Variants in GNAQ observed in about 807,000 individuals in gnomAD.
The protein encoded by GNAQ is guanine nucleotide-binding protein G(q) subunit alpha.
Under a neutral mutation model 43.9 loss-of-function variants are expected in GNAQ, and 8 were observed. That is an observed-to-expected ratio of 0.18 (90% CI 0.11 to 0.33). GNAQ has a LOEUF of 0.33. Among genes scored for constraint, GNAQ ranks in the 10% least tolerant of loss-of-function variants. The probability of loss-of-function intolerance (pLI) is 1.00; values close to 1 mark genes in which losing one functional copy is unlikely to be tolerated. For missense variants in GNAQ, 158 were observed against 450.8 expected (o/e 0.35, Z 5.88); for synonymous variants, 155 against 170.7 (o/e 0.91, Z 0.71).
chr9:77,827,369 CA>C (rs1455094203), intron 2 of GNAQ, among the ~76,000 whole-genome samples: 2 of 124,292 alleles, frequency 1.6e-5, no homozygotes, highest in African/African-American at 5.6e-5. Flanking sequence ...AAACCAAATC[CA>C]TGTTTAAATA....
Position 77,788,583 on chromosome 9 carries a change from C to A in GNAQ, c.735+5880G>T, listed in dbSNP as rs147511653. Among the ~76,000 whole-genome samples, 583 of 152,206 alleles carry A rather than the reference C, an allele frequency of 3.8e-3. 7 individuals are homozygous for A. Among genetic ancestry groups the A allele is most frequent in the South Asian group, 0.011 (51 of 4,812 alleles). On this transcript the variant is annotated intron_variant, in intron 5 of 6. Coordinates refer to ENST00000286548, the MANE Select transcript of GNAQ (RefSeq NM_002072.5). The stretch of plus-strand genomic sequence containing the variant: ...GAGAAATGAATCAGGGAGGGCTACA[C>A]ATAGTCTTTAATTTTATCTGTATCA...
chr9:77,968,870 T>G (rs922444216), intron 1 of GNAQ, among the ~76,000 whole-genome samples: 5 of 152,186 alleles, frequency 3.3e-5, no homozygotes, highest in Non-Finnish European at 5.9e-5. Flanking sequence ...GGAAATCACC[T>G]CCTGTGGCAA....
chr9:77,807,036 A>C (rs182899004), intron 3 of GNAQ, among the ~76,000 whole-genome samples: 1 of 152,290 alleles, frequency 6.6e-6, no homozygotes, highest in Admixed American at 6.5e-5. Context: ...TGAGATTAGA[A>C]CTTTCATTTT....
intron 2 of GNAQ, among the ~76,000 whole-genome samples, chr9:77,915,413 C>G (rs1005409777): frequency 6.6e-6 from 1 of 152,028 alleles, no homozygotes; most frequent in South Asian, 2.1e-4. Flanking sequence ...CCTTAAATAC[C>G]TCCTAAATCT....
intron 1 of GNAQ, among the ~76,000 whole-genome samples, chr9:78,007,428 G>C (rs768790924): frequency 4.8e-5 from 7 of 144,642 alleles, no homozygotes; most frequent in African/African-American, 7.6e-5. Context: ...CCACCCACTA[G>C]AAAACAAGGA....
At position 78,031,710 on chromosome 9, in the gene GNAQ, C is replaced by T. The variant is rs1824065236; in HGVS notation, c.-475G>A. ...GACGGCTCCCCGCGCCCGGCGCGCC[C>T]GCTCCTCGCCGCCGCCTGACACGGC... On this transcript the variant is annotated 5_prime_UTR_variant, in exon 1 of 7. Transcript: ENST00000286548. Among the ~76,000 whole-genome samples the T allele has an allele frequency of 6.8e-6, 1 of 147,594 alleles. No individual in the cohort carries two copies. The highest frequency in any genetic ancestry group is 2.4e-5 in the African/African-American group (1 of 40,952).
intron 5 of GNAQ, among the ~76,000 whole-genome samples, chr9:77,741,434 G>C (rs1446648008): frequency 6.6e-6 from 1 of 152,142 alleles, no homozygotes; most frequent in Middle Eastern, 3.2e-3. Context: ...TTATATCTTT[G>C]AGCCTTAATT....
At position 77,861,227 on chromosome 9, in the gene GNAQ, T is replaced by C. The variant is rs112446200; in HGVS notation, c.322-45457A>G. The stretch of plus-strand genomic sequence containing the variant: ...CAGTTCTCATGAGTCTTATTCACTA[T>C]CACAAGAATAGCCCAGGAAAGACCT... On this transcript the variant is annotated intron_variant, in intron 2 of 6. Coordinates refer to ENST00000286548, the MANE Select transcript of GNAQ (RefSeq NM_002072.5). 6.6e-3 allele frequency among the ~76,000 whole-genome samples: 999 copies of C among 152,274 alleles called. 5 individuals are homozygous for C. Among genetic ancestry groups the C allele is most frequent in the African/African-American group, 0.023 (945 of 41,558 alleles).
chr9:78,003,607 G>A (rs531408164), intron 1 of GNAQ, among the ~76,000 whole-genome samples: 1 of 152,226 alleles, frequency 6.6e-6, no homozygotes, highest in Admixed American at 6.5e-5. Flanking sequence ...TTGAGACCTG[G>A]AGTTCAAGAC....
intron 1 of GNAQ, among the ~76,000 whole-genome samples, chr9:78,010,580 G>A (rs1375154379): frequency 6.6e-6 from 1 of 152,036 alleles, no homozygotes. Context: ...CTTCACATGT[G>A]TTAATTACAG....
chr9:78,014,433 A>AC (rs1043342695), intron 1 of GNAQ, among the ~76,000 whole-genome samples: 1 of 151,876 alleles, frequency 6.6e-6, no homozygotes, highest in East Asian at 1.9e-4. Flanking sequence ...ACATGGTGAA[A>AC]CCCCCCTACT....
At chr9:77,762,043 C>T (rs1350707598) in intron 5 of GNAQ, among the ~76,000 whole-genome samples, 2 of 133,846 alleles carry the variant, frequency 1.5e-5, no homozygotes, top group African/African-American at 5.6e-5. Context: ...AGCCCCTCTG[C>T]CCGGCCAGCC....
rs534812312 is a variant in GNAQ at position 77,778,608 on chromosome 9, G to A, written c.735+15855C>T. On this transcript the variant is annotated intron_variant, in intron 5 of 6. Coordinates refer to ENST00000286548, the MANE Select transcript of GNAQ (RefSeq NM_002072.5). ...ATCACTAAACACTTTAAATGTGAACGGTCTACATACACCAATTAAAAGACA... is the reference window on the plus strand; with the variant it reads ...ATCACTAAACACTTTAAATGTGAACAGTCTACATACACCAATTAAAAGACA... Among the ~76,000 whole-genome samples, 16 of 151,552 alleles carry A rather than the reference G, an allele frequency of 1.1e-4. No homozygotes were observed. The East Asian group carries it at 1.2e-3, about 11-fold the overall frequency.
intron 2 of GNAQ, among the ~76,000 whole-genome samples, chr9:77,827,588 A>G (rs1827219196): frequency 6.6e-6 from 1 of 152,012 alleles, no homozygotes; most frequent in Admixed American, 6.6e-5. Flanking sequence ...ACTCGGAGGA[A>G]CCTATACAGA....
chr9:77,874,725 AG>A (rs1828102475), intron 2 of GNAQ, among the ~76,000 whole-genome samples: 1 of 151,992 alleles, frequency 6.6e-6, no homozygotes, highest in South Asian at 2.1e-4. Flanking sequence ...CCCGGGCTTA[AG>A]TGATCCTCCC....
At chr9:77,805,640 G>A (rs577727494) in intron 3 of GNAQ, among the ~76,000 whole-genome samples, 2 of 152,016 alleles carry the variant, frequency 1.3e-5, no homozygotes, top group East Asian at 3.9e-4. Context: ...TCCTGACCTC[G>A]TCATCTGCCA....
rs797016574 is a variant in GNAQ, at chr9:77,886,406, T to C, written c.321+35755A>G. Among the ~76,000 whole-genome samples, 73 of 142,040 alleles carry C rather than the reference T, an allele frequency of 5.1e-4. 1 individual carries two copies. The highest frequency in any genetic ancestry group is 2.9e-3 in the Admixed American group (41 of 14,108). 93.2% of individuals were successfully genotyped at this position (142,040 alleles called of 152,430 possible). ...GCTCTTAAAAAAAAAAAAAAAAGCA[T>C]CTTAGTGGTTAATCTCTAGTGTTCC... On this transcript the variant is annotated intron_variant, in intron 2 of 6. Transcript: ENST00000286548.
At chr9:77,944,657 G>A (rs1024969956) in intron 1 of GNAQ, among the ~76,000 whole-genome samples, 9 of 152,130 alleles carry the variant, frequency 5.9e-5, no homozygotes, top group African/African-American at 1.7e-4. Context: ...TCATTGTAAC[G>A]CAAGAGAAAT....
intron 6 of GNAQ, among the ~76,000 whole-genome samples, chr9:77,727,343 C>G (rs1033697666): frequency 1.3e-5 from 2 of 152,230 alleles, no homozygotes; most frequent in African/African-American, 4.8e-5. Flanking sequence ...GGGCAGCAGT[C>G]GTGACTCTCA....
Sources: allele counts gnomAD v4.1 joint callset (sites outside exome capture counted in the v4.1 genomes callset), GRCh38; gene constraint gnomAD v4.1.1; transcripts MANE v1.5; gene names NCBI Gene and HGNC (gene_info 2026-07-23, HGNC 2026-07-21).